Variants in CCDC88C observed in about 807,000 individuals in gnomAD.
The protein encoded by CCDC88C is coiled-coil and HOOK domain protein 88C.
CCDC88C carries 131 observed loss-of-function variants against 198.8 expected under a neutral mutation model. The observed-to-expected ratio is 0.66, with a 90% CI of 0.57 to 0.76. The LOEUF is 0.76. Ranked by LOEUF, CCDC88C falls within the 30% of genes least tolerant of loss-of-function variation. The probability of loss-of-function intolerance (pLI) is 0.00; values close to 1 mark genes in which losing one functional copy is unlikely to be tolerated. For synonymous variants in CCDC88C, 1,166 were observed against 1,114.7 expected (o/e 1.05, Z -0.92); for missense variants, 2,553 against 2,631.6 (o/e 0.97, Z 0.65).
chr14:91,317,015 G>A (rs1892132259), intron 13 of CCDC88C, among the ~76,000 whole-genome samples: 1 of 152,156 alleles, frequency 6.6e-6, no homozygotes, highest in African/African-American at 2.4e-5. Context: ...CTGCCCCTCA[G>A]CCCCCAGGCT....
At position 91,289,354 on chromosome 14, in the gene CCDC88C, G is replaced by A; in HGVS notation, c.4203-11C>T. 6.2e-7 allele frequency: 1 copy of A among 1,612,130 alleles called. No homozygotes were observed. The highest frequency in any genetic ancestry group is 8.5e-7 in the Non-Finnish European group (1 of 1,178,210). ...ATCCAGTGGTTCTTCCTGGTTAGAA[G>A]TAGATGTTTAGGACATAGCCAGCCC... is the stretch of plus-strand genomic sequence containing the variant. On this transcript the variant is annotated splice_polypyrimidine_tract_variant and intron_variant, in intron 24 of 29. Transcript: ENST00000389857.
At chr14:91,384,228 G>C (rs181573549) in intron 3 of CCDC88C, among the ~76,000 whole-genome samples, 25 of 151,622 alleles carry the variant, frequency 1.6e-4, no homozygotes, top group Admixed American at 3.3e-4. Context: ...TTTGAGTCTA[G>C]GAGTTCGAGA....
chr14:91,342,426 T>TGG lies in CCDC88C; in HGVS notation c.436_437insCC (p.Gln146ProfsTer18), dbSNP rs781630927. Reference sequence around the variant, plus strand: ...GCCAGCCTGGGTCTCAATGTCCAGCTGTTTGATTCTTTCAATGAACTCCTC... The same window carrying TGG: ...GCCAGCCTGGGTCTCAATGTCCAGCTGGGTTTGATTCTTTCAATGAACTCCTC... On this transcript the variant is annotated frameshift_variant, in exon 6 of 30. Transcript: ENST00000389857. LOFTEE classifies it high-confidence loss of function. The TGG allele has an allele frequency of 6.3e-7, 1 of 1,599,068 alleles. No homozygotes were observed. Among genetic ancestry groups the TGG allele is most frequent in the Non-Finnish European group, 8.5e-7 (1 of 1,172,756 alleles).
At chr14:91,389,289 G>A (rs1885338363) in intron 3 of CCDC88C, among the ~76,000 whole-genome samples, 1 of 152,120 alleles carries the variant, frequency 6.6e-6, no homozygotes, top group South Asian at 2.1e-4. Context: ...AGAGGGTCAT[G>A]GGCCCTGACC....
intron 2 of CCDC88C, among the ~76,000 whole-genome samples, chr14:91,412,374 GT>G (rs1266029953): frequency 6.6e-6 from 1 of 151,836 alleles, no homozygotes; most frequent in Non-Finnish European, 1.5e-5. Context: ...TCACAGGCAA[GT>G]TTTATTTTGC....
At chr14:91,369,595 C>G (rs971993028) in intron 3 of CCDC88C, among the ~76,000 whole-genome samples, 10 of 152,134 alleles carry the variant, frequency 6.6e-5, no homozygotes, top group Non-Finnish European at 1.5e-4. Flanking sequence ...AGAGGAAAAC[C>G]CAAGCAGTGG....
intron 21 of CCDC88C, among the ~76,000 whole-genome samples, chr14:91,299,269 A>G (rs970062183): frequency 1.3e-5 from 2 of 152,186 alleles, no homozygotes; most frequent in East Asian, 3.8e-4. Flanking sequence ...CATCACAGCC[A>G]CCTTCTGCTT....
In CCDC88C at chr14:91,325,987, G is replaced by C; in HGVS notation, c.1120C>G (p.Arg374Gly). Residue 374 changes from arginine (R) to glycine (G), a missense_variant, in exon 11 of 30, where the codon CGG becomes GGG. Physicochemically the swap from Arg to Gly is moderately radical, Grantham distance 125 (BLOSUM62 -2). Around this residue, in one of 2 missense-constraint regions of CCDC88C, gnomAD observed 1,260 missense variants for 1,412.0 expected, o/e 0.89. Transcript: ENST00000389857. The surrounding 1 kb of genome is among the most constrained non-coding windows in gnomAD (Gnocchi z 4.1). ...TCATGGACTTTATCGCCCCGGGCCC[G>C]AGCAGCAGTCAGCTGTTCCTCCAGC... is the stretch of plus-strand genomic sequence containing the variant. ...AMLEEQLTAARARGDKVHELE... is the reference protein window; with the variant it reads ...AMLEEQLTAAGARGDKVHELE... The C allele has an allele frequency of 5.0e-6, 8 of 1,596,456 alleles. No homozygotes were observed. Among genetic ancestry groups the C allele is most frequent in the Non-Finnish European group, 6.8e-6 (8 of 1,170,944 alleles).
At chr14:91,300,233 G>A (rs1048858648) in intron 20 of CCDC88C, among the ~76,000 whole-genome samples, 163 bp from the exon 21 acceptor site, 5 of 152,324 alleles carry the variant, frequency 3.3e-5, no homozygotes, top group Admixed American at 6.5e-5. Context: ...GGCGGGGAGC[G>A]CAGCCACTGG....
At chr14:91,314,239 G>T in intron 14 of CCDC88C, 89 bp from the exon 15 acceptor site, 2 of 1,048,936 alleles carry the variant, frequency 1.9e-6, no homozygotes, top group Non-Finnish European at 1.4e-6. Flanking sequence ...GAGAGAGAAG[G>T]CCTTGAACGG....
At chr14:91,293,042 C>A (rs1890733548) in intron 23 of CCDC88C, among the ~76,000 whole-genome samples, 1 of 151,180 alleles carries the variant, frequency 6.6e-6, no homozygotes, top group East Asian at 1.9e-4. Context: ...CCTCACCTGC[C>A]ACGGCTGACC....
intron 10 of CCDC88C, among the ~76,000 whole-genome samples, chr14:91,334,243 C>T (rs953560393): frequency 5.9e-5 from 9 of 152,214 alleles, no homozygotes; most frequent in Middle Eastern, 3.2e-3. Flanking sequence ...CCTCAATTCA[C>T]GGATGCATTT....
chr14:91,328,454 A>G (rs1295014933), intron 10 of CCDC88C, among the ~76,000 whole-genome samples: 1 of 152,142 alleles, frequency 6.6e-6, no homozygotes, highest in East Asian at 1.9e-4. Flanking sequence ...CCAAGGCCAG[A>G]ACGCCCCACC....
intron 12 of CCDC88C, among the ~76,000 whole-genome samples, chr14:91,322,028 C>T (rs1299407025): frequency 1.3e-5 from 2 of 151,966 alleles, no homozygotes; most frequent in Non-Finnish European, 2.9e-5. Context: ...CAAGCAGGTG[C>T]ATGATTTTAG....
At chr14:91,299,703 T>G (rs1170781630) in intron 21 of CCDC88C, among the ~76,000 whole-genome samples, 1 of 152,204 alleles carries the variant, frequency 6.6e-6, no homozygotes, top group Non-Finnish European at 1.5e-5. Context: ...GAGAACCACT[T>G]AACTCAGACG....
chr14:91,288,944 C>G lies in CCDC88C; in HGVS notation c.4441+161G>C. 1 of 598,846 alleles carries G rather than the reference C, an allele frequency of 1.7e-6. No homozygotes were observed. The highest frequency in any genetic ancestry group is 3.0e-6 in the Non-Finnish European group (1 of 338,340). The allele number at this position is 598,846 out of a possible 1,614,324, so 37.1% of individuals were successfully genotyped here. ...AAGCATTATGGGACAAAACGGTCGC[C>G]ACGCTGAATTTCTACTTGGCTCGTA... is the stretch of plus-strand genomic sequence containing the variant. On this transcript the variant is annotated intron_variant, in intron 25 of 29. Coordinates refer to ENST00000389857, the MANE Select transcript of CCDC88C (RefSeq NM_001080414.4). This position sits in a 1 kb window ranked among gnomAD's most constrained non-coding sequence, Gnocchi z 4.2.
chr14:91,399,935 G>A (rs1007349822), intron 3 of CCDC88C, among the ~76,000 whole-genome samples: 9 of 150,692 alleles, frequency 6.0e-5, no homozygotes, highest in Non-Finnish European at 5.9e-5. Context: ...CGCAAGAGAC[G>A]CCCCAACCTT....
Position 91,281,518 on chromosome 14 carries a change from G to C in CCDC88C, c.4638C>G (p.Asn1546Lys). Residue 1546 changes from asparagine to lysine, a missense_variant, in exon 27 of 30, where the codon AAC becomes AAG. This residue lies in a region of CCDC88C where 1,293 missense variants were observed against 1,219.6 expected (regional missense o/e 1.06). Transcript: ENST00000389857. ...ATGGCTCACAGAGGTTGTCATCTGAGTTATAGCCTAAGGTGAAAATAAGGC... is the reference window on the plus strand; with the variant it reads ...ATGGCTCACAGAGGTTGTCATCTGACTTATAGCCTAAGGTGAAAATAAGGC... ...ARHPGRTKGYNSDDNLCEPSL... is the reference protein window; with the variant it reads ...ARHPGRTKGYKSDDNLCEPSL... 1 of 1,613,882 alleles carries C rather than the reference G, an allele frequency of 6.2e-7. No homozygotes were observed. Among genetic ancestry groups the C allele is most frequent in the Non-Finnish European group, 8.5e-7 (1 of 1,179,786 alleles).
chr14:91,374,662 G>A (rs2139936074), intron 3 of CCDC88C, among the ~76,000 whole-genome samples: 1 of 152,346 alleles, frequency 6.6e-6, no homozygotes, highest in South Asian at 2.1e-4. Flanking sequence ...ACAGAGCCTG[G>A]GGTGGCCCAA....
Sources: allele counts gnomAD v4.1 joint callset (sites outside exome capture counted in the v4.1 genomes callset), GRCh38; gene constraint gnomAD v4.1.1; regional missense constraint gnomAD v4.1.1; non-coding constraint Gnocchi (gnomAD v3.1); transcripts MANE v1.5; gene names NCBI Gene and HGNC (gene_info 2026-07-23, HGNC 2026-07-21).